Variants in VPS8 observed in about 807,000 individuals in gnomAD.
VPS8 encodes the protein VPS8 subunit of CORVET complex.
A neutral mutation model predicts 216.4 loss-of-function variants in VPS8; 129 were observed. That is an observed-to-expected ratio of 0.60 (90% CI 0.52 to 0.69). The LOEUF is 0.69. VPS8 is among the 30% of genes least tolerant of loss of function. The probability of loss-of-function intolerance (pLI) is 0.00; values close to 1 mark genes in which losing one functional copy is unlikely to be tolerated. For synonymous variants in VPS8, 571 were observed against 565.4 expected, an observed-to-expected ratio of 1.01 and a Z score of -0.14; for missense variants, 1,531 against 1,683.5, an observed-to-expected ratio of 0.91 and a Z score of 1.59.
chr3:184,822,281 T>G (rs1017904523), intron 1 of VPS8, among the ~76,000 whole-genome samples: 2 of 152,110 alleles, frequency 1.3e-5, no homozygotes, highest in African/African-American at 4.8e-5. Context: ...CACATTACAT[T>G]GGTAAAAGGA....
At chr3:184,970,206 C>T (rs961736556) in intron 39 of VPS8, among the ~76,000 whole-genome samples, 10 of 152,130 alleles carry the variant, frequency 6.6e-5, no homozygotes, top group African/African-American at 2.4e-4. Context: ...GCCACCACGA[C>T]CGGCCCCATC....
Position 184,839,750 on chromosome 3 carries a change from T to A in VPS8, c.533T>A (p.Phe178Tyr), listed in dbSNP as rs1721769981. ...VGTSHGLALI[F>Y]GKDQNQALRL... is the part of the protein sequence containing the mutation. ...ACATCTCATGGATTGGCTTTAATAT[T>A]TGGTAAATTTTTAAGTGCTTTCCTG... is the stretch of plus-strand genomic sequence containing the variant. Residue 178 changes from phenylalanine to tyrosine, a missense_variant and splice_region_variant, in exon 7 of 48, where the codon TTT (phenylalanine) becomes TAT (tyrosine). This residue lies in a region of VPS8 where 14 missense variants were observed against 32.9 expected (regional missense o/e 0.43). Coordinates refer to ENST00000625842, the MANE Select transcript of VPS8 (RefSeq NM_001009921.3). 1 of 1,597,428 alleles carries A rather than the reference T, an allele frequency of 6.3e-7. No homozygotes were observed. Among genetic ancestry groups the A allele is most frequent in the African/African-American group, 1.3e-5 (1 of 74,796 alleles).
chr3:184,951,559 T>C (rs972171756), intron 36 of VPS8, among the ~76,000 whole-genome samples: 1 of 152,188 alleles, frequency 6.6e-6, no homozygotes, highest in Non-Finnish European at 1.5e-5. Context: ...AATGGTTCAG[T>C]TTACAGAGTT....
At chr3:185,018,793 C>T (rs891932472) in intron 45 of VPS8, among the ~76,000 whole-genome samples, 1 of 152,146 alleles carries the variant, frequency 6.6e-6, no homozygotes, top group Non-Finnish European at 1.5e-5. Flanking sequence ...AGGGAACTGC[C>T]AAGCCTCTAA....
At chr3:184,841,857 A>T (rs1722201764) in intron 7 of VPS8, among the ~76,000 whole-genome samples, 1 of 152,216 alleles carries the variant, frequency 6.6e-6, no homozygotes, top group South Asian at 2.1e-4. Flanking sequence ...AGGAATGCTG[A>T]ATCCTGTATA....
chr3:184,994,363 G>T (rs1577090864), intron 43 of VPS8, among the ~76,000 whole-genome samples: 1 of 152,116 alleles, frequency 6.6e-6, no homozygotes, highest in East Asian at 1.9e-4. Flanking sequence ...AATTAGCTGG[G>T]CATGGTGGCA....
At position 185,051,907 on chromosome 3, in the gene VPS8, G is replaced by T; in HGVS notation, c.4169G>T (p.Arg1390Leu). The change falls in exon 48 of 48, where the codon CGC (arginine) becomes CTC (leucine). Residue 1390 changes from arginine (R) to leucine (L), a missense_variant. Around this residue, in one of 3 missense-constraint regions of VPS8, gnomAD observed 1,318 missense variants for 1,468.4 expected, o/e 0.90. Coordinates refer to ENST00000625842, the MANE Select transcript of VPS8 (RefSeq NM_001009921.3). ...CTCCTCACGGAACTCTCCCAGAATC[G>T]CAGCAGCGAGAGCTATAGGCCATTC... ...LALLTELSQNRSSESYRPFSG... is the reference protein window; with the variant it reads ...LALLTELSQNLSSESYRPFSG... 1 of 1,610,016 alleles carries T rather than the reference G, an allele frequency of 6.2e-7. No homozygotes were observed. The highest frequency in any genetic ancestry group is 8.5e-7 in the Non-Finnish European group (1 of 1,178,062).
At chr3:184,930,036 G>A (rs1307487549) in intron 33 of VPS8, among the ~76,000 whole-genome samples, 2 of 152,144 alleles carry the variant, frequency 1.3e-5, no homozygotes, top group South Asian at 4.2e-4. Flanking sequence ...GTTCCAGGAT[G>A]GGTAACTGTA....
At chr3:184,940,349 C>T (rs1394739181) in intron 36 of VPS8, 106 bp downstream of exon 36, 6 of 361,072 alleles carry the variant, frequency 1.7e-5, no homozygotes, top group Non-Finnish European at 2.7e-5. Flanking sequence ...ATACAATTAG[C>T]TCTTAATTTT....
At chr3:184,936,474 A>T in intron 35 of VPS8, 139 bp downstream of exon 35, 1 of 729,126 alleles carries the variant, frequency 1.4e-6, no homozygotes. Flanking sequence ...TGCAAAAGTG[A>T]TTGTGGTTTT....
chr3:185,044,684 C>T (rs1201462481), intron 46 of VPS8, among the ~76,000 whole-genome samples: 3 of 152,096 alleles, frequency 2.0e-5, no homozygotes, highest in South Asian at 2.1e-4. Flanking sequence ...ACTGCTCATT[C>T]TAGGGTCATG....
In VPS8 at chr3:184,900,903, C is replaced by G; in HGVS notation, c.2095-18C>G. 1 of 1,588,040 alleles carries G rather than the reference C, an allele frequency of 6.3e-7. No homozygotes were observed. Among genetic ancestry groups the G allele is most frequent in the Non-Finnish European group, 8.6e-7 (1 of 1,168,546 alleles). On this transcript the variant is annotated intron_variant, in intron 24 of 47. Coordinates refer to ENST00000625842, the MANE Select transcript of VPS8 (RefSeq NM_001009921.3). ...ATTTGAGATGATGATGATTGTTTTC[C>G]TATTAATTTTAATGCAGAAACTTTT...
chr3:184,955,581 C>T (rs1367618572), intron 36 of VPS8, among the ~76,000 whole-genome samples: 2 of 151,878 alleles, frequency 1.3e-5, no homozygotes, highest in Non-Finnish European at 2.9e-5. Flanking sequence ...AGTGGTTCCC[C>T]GGGCCCAGCT....
At chr3:184,864,801 A>T (rs115397449) in intron 16 of VPS8, among the ~76,000 whole-genome samples, 243 of 152,310 alleles carry the variant, frequency 1.6e-3, no homozygotes, top group African/African-American at 5.6e-3. Context: ...AAAATTCACA[A>T]TGTCTCCCAT....
intron 42 of VPS8, among the ~76,000 whole-genome samples, chr3:184,990,811 C>G (rs746309970): frequency 3.3e-5 from 5 of 151,982 alleles, no homozygotes; most frequent in Non-Finnish European, 5.9e-5. Flanking sequence ...TGCTCAGATG[C>G]AAATGAAAAA....
chr3:184,946,314 T>C (rs370850371), intron 36 of VPS8, among the ~76,000 whole-genome samples: 3 of 152,242 alleles, frequency 2.0e-5, no homozygotes, highest in East Asian at 1.9e-4. Flanking sequence ...GGGACTGTTA[T>C]CATCCTTGCT....
intron 34 of VPS8, among the ~76,000 whole-genome samples, chr3:184,931,445 G>A (rs1740658746): frequency 6.6e-6 from 1 of 152,136 alleles, no homozygotes; most frequent in Admixed American, 6.5e-5. Context: ...ATTTGGAGAT[G>A]TAGTAAAGAT....
chr3:184,834,003 A>G (rs2108556357), intron 4 of VPS8, among the ~76,000 whole-genome samples: 1 of 152,304 alleles, frequency 6.6e-6, no homozygotes, highest in South Asian at 2.1e-4. Context: ...ACTTCTAGTG[A>G]TACAAAGTAG....
chr3:185,026,024 A>G (rs1757294555), intron 46 of VPS8, among the ~76,000 whole-genome samples: 1 of 152,194 alleles, frequency 6.6e-6, no homozygotes. Context: ...TGTTGACACT[A>G]GTATTAAAAT....
Sources: gnomAD v4.1 joint callset for allele counts (sites outside exome capture counted in the v4.1 genomes callset) on GRCh38, gnomAD v4.1.1 for gene constraint, gnomAD v4.1.1 regional missense constraint, MANE v1.5 for transcripts, NCBI Gene and HGNC (gene_info 2026-07-23, HGNC 2026-07-21) for gene names.